Variants in ABCG5 observed in about 807,000 individuals in gnomAD.
ABCG5 encodes the protein ATP-binding cassette sub-family G member 5.
In ABCG5, 64 loss-of-function variants were observed where a neutral mutation model predicts 64.5. That is an observed-to-expected ratio of 0.99 (90% CI 0.81 to 1.22). The LOEUF is 1.22. Among genes scored for constraint, ABCG5 ranks in the 50% most tolerant of loss-of-function variants. The probability of loss-of-function intolerance (pLI) is 0.00; values close to 1 mark genes in which losing one functional copy is unlikely to be tolerated. For missense variants in ABCG5, 908 were observed against 829.5 expected, an observed-to-expected ratio of 1.09 and a Z score of -1.16; for synonymous variants, 385 against 326.3, an observed-to-expected ratio of 1.18 and a Z score of -1.94.
intron 12 of ABCG5, 51 bp downstream of exon 12, chr2:43,814,426 T>G: frequency 8.7e-7 from 1 of 1,155,410 alleles, no homozygotes; most frequent in Non-Finnish European, 1.3e-6. Flanking sequence ...TCCAAGAAAT[T>G]GCTTCCTCAG....
downstream of ABCG5, chr2:43,809,647 T>G (rs1666409045): frequency 6.5e-6 from 8 of 1,227,630 alleles, no homozygotes; most frequent in Non-Finnish European, 8.3e-6. Context: ...AGTTTTAAGG[T>G]GCCTCCTTGA....
In ABCG5 at chr2:43,838,670, G is replaced by T. The variant is rs751275236; in HGVS notation, c.10C>A (p.Leu4Ile). 8.1e-6 allele frequency: 13 copies of T among 1,613,564 alleles called. No homozygotes were observed. Among genetic ancestry groups the T allele is most frequent in the Non-Finnish European group, 1.1e-5 (13 of 1,179,972 alleles). ...GACCCTCCGGGGGTCAAAGATGAGA[G>T]GTCACCCATGGCCAACAGGCAGCAA... MGD[L>I]SSLTPGGSMG... The change falls in exon 1 of 13, where the codon CTC becomes ATC. Residue 4 changes from leucine to isoleucine, a missense_variant. Coordinates refer to ENST00000405322, the MANE Select transcript of ABCG5 (RefSeq NM_022436.3). This position sits in a 1 kb window ranked among gnomAD's most constrained non-coding sequence, Gnocchi z 4.2.
chr2:43,812,766 G>T lies in ABCG5; in HGVS notation c.*350C>A. On this transcript the variant is annotated 3_prime_UTR_variant, in exon 13 of 13. Coordinates refer to ENST00000405322, the MANE Select transcript of ABCG5 (RefSeq NM_022436.3). ...ATTTTTGCCTAATCCTTTATCCAAT[G>T]TAAACATATTTTTAAGCTGACCTAT... The T allele has an allele frequency of 4.0e-6, 1 of 249,398 alleles. No individual in the cohort carries two copies. The highest frequency in any genetic ancestry group is 5.9e-5 in the South Asian group (1 of 16,968). 15.4% of individuals were successfully genotyped at this position (249,398 alleles called of 1,614,324 possible).
At chr2:43,810,289 G>A (rs577369001), downstream of ABCG5, 1 of 877,634 alleles carries the variant, frequency 1.1e-6, no homozygotes, top group Non-Finnish European at 1.4e-6. Context: ...GTCGCCATCA[G>A]TGGTCTGGAA....
At chr2:43,806,581 A>T in the ABCG5 span, among the ~76,000 whole-genome samples, 1 of 152,210 alleles carries the variant, frequency 6.6e-6, no homozygotes, top group African/African-American at 2.4e-5. Flanking sequence ...GGCTATAAGG[A>T]TTAGTTGGAA....
chr2:43,820,732 C>T (rs1042217313), intron 10 of ABCG5, among the ~76,000 whole-genome samples: 5 of 152,160 alleles, frequency 3.3e-5, no homozygotes, highest in African/African-American at 1.2e-4. Flanking sequence ...TGGCTCATTG[C>T]AACCTCTGCT....
chr2:43,828,469 CTACAA>C, intron 4 of ABCG5: 1 of 153,970 alleles, frequency 6.5e-6, no homozygotes, highest in Non-Finnish European at 1.1e-5. Context: ...GACCCTGTCT[CTACAA>C]AAAAAAAAAA....
rs1040924612 is a variant in ABCG5 at position 43,838,455 on chromosome 2, A to G, written c.143+82T>C. 14 of 1,396,346 alleles carry G rather than the reference A, an allele frequency of 1.0e-5. No individual in the cohort carries two copies. Among genetic ancestry groups the G allele is most frequent in the Admixed American group, 2.0e-5 (1 of 49,664 alleles). 86.5% of individuals were successfully genotyped at this position (1,396,346 alleles called of 1,614,324 possible). A position where few individuals can be genotyped will look rare whatever the true frequency, so the allele number is the denominator to read the frequency against. The stretch of plus-strand genomic sequence containing the variant: ...CCCGAAGTGCCCAGACTGGCACTTA[A>G]AGAGTGAAGAAAGGCAGCAGAGGGG... On this transcript the variant is annotated intron_variant, in intron 1 of 12. Coordinates refer to ENST00000405322, the MANE Select transcript of ABCG5 (RefSeq NM_022436.3). The surrounding 1 kb of genome is among the most constrained non-coding windows in gnomAD (Gnocchi z 4.2).
At position 43,824,109 on chromosome 2, in the gene ABCG5, T is replaced by A; in HGVS notation, c.1128A>T (p.Thr376=). 3.1e-6 allele frequency: 5 copies of A among 1,614,216 alleles called. No individual in the cohort carries two copies. Among genetic ancestry groups the A allele is most frequent in the Non-Finnish European group, 4.2e-6 (5 of 1,180,038 alleles). The change falls in exon 9 of 13, where the codon ACA becomes ACT. Residue 376 remains threonine, a synonymous_variant. Coordinates refer to ENST00000405322, the MANE Select transcript of ABCG5 (RefSeq NM_022436.3). ...CCAGCTTATTTCTCACCAAGTTTCT[T>A]GTCACTCTCCTGAAAACAAACAACC... ...SKLGVLLRRV[T]RNLVRNKLAV... is the part of the protein sequence containing the mutation.
rs1667978270 is a variant in ABCG5, at chr2:43,831,981, T to C, written c.368A>G (p.Glu123Gly). ...VYVNGRALRREQFQDCFSYVL... is the reference protein window; with the variant it reads ...VYVNGRALRRGQFQDCFSYVL... ...GTAGGAGAAGCAGTCCTGGAACTGC[T>C]CCCGGCGCAGCGCCCGGCCGTTCAC... Residue 123 changes from glutamate to glycine, a missense_variant, in exon 3 of 13, where the codon GAG becomes GGG. Physicochemically the swap from Glu to Gly is moderately conservative, Grantham distance 98 (BLOSUM62 -2). Coordinates refer to ENST00000405322, the MANE Select transcript of ABCG5 (RefSeq NM_022436.3). 6.4e-7 allele frequency: 1 copy of C among 1,552,772 alleles called. No homozygotes were observed. Among genetic ancestry groups the C allele is most frequent in the Non-Finnish European group, 8.7e-7 (1 of 1,148,134 alleles).
At position 43,831,863 on chromosome 2, in the gene ABCG5, T is replaced by C; in HGVS notation, c.407A>G (p.Asp136Gly). The C allele has an allele frequency of 6.5e-7, 1 of 1,533,372 alleles. No homozygotes were observed. The highest frequency in any genetic ancestry group is 8.8e-7 in the Non-Finnish European group (1 of 1,139,108). 95.0% of individuals were successfully genotyped at this position (1,533,372 alleles called of 1,614,324 possible). A position where few individuals can be genotyped will look rare whatever the true frequency, so the allele number is the denominator to read the frequency against. The change falls in exon 4 of 13, where the codon GAC becomes GGC. Residue 136 changes from aspartate (D) to glycine (G), a missense_variant. Transcript: ENST00000405322. ...QDCFSYVLQS[D>G]TLLSSLTVRE... Reference sequence around the variant, plus strand: ...CACGGTGAGGCTGCTCAGCAGGGTGTCGCTCTGCAGGAGACTCGGGCGTCA... The same window carrying C: ...CACGGTGAGGCTGCTCAGCAGGGTGCCGCTCTGCAGGAGACTCGGGCGTCA...
downstream of ABCG5, among the ~76,000 whole-genome samples, chr2:43,811,027 G>T (rs750148031): frequency 3.3e-5 from 5 of 152,188 alleles, no homozygotes; most frequent in Non-Finnish European, 7.3e-5. Flanking sequence ...GAAGTCACGT[G>T]TGATGTCAGT....
chr2:43,818,233 C>G (rs969711683), intron 11 of ABCG5, among the ~76,000 whole-genome samples: 2 of 152,124 alleles, frequency 1.3e-5, no homozygotes, highest in African/African-American at 4.8e-5. Flanking sequence ...GGGCGAATCA[C>G]TTGAGGTCGA....
At position 43,812,996 on chromosome 2, in the gene ABCG5, T is replaced by C. The variant is rs1666560925; in HGVS notation, c.*120A>G. 1.4e-6 allele frequency: 1 copy of C among 707,036 alleles called. No individual in the cohort carries two copies. The highest frequency in any genetic ancestry group is 2.6e-6 in the Non-Finnish European group (1 of 381,464). 43.8% of individuals were successfully genotyped at this position (707,036 alleles called of 1,614,324 possible). A position where few individuals can be genotyped will look rare whatever the true frequency, so the allele number is the denominator to read the frequency against. ...CCAAGAGGCACAAATGGAGTCTTAATGGTTAAAAGACTTGAGATGTCCTGT... is the reference window on the plus strand; with the variant it reads ...CCAAGAGGCACAAATGGAGTCTTAACGGTTAAAAGACTTGAGATGTCCTGT... On this transcript the variant is annotated 3_prime_UTR_variant, in exon 13 of 13. Coordinates refer to ENST00000405322, the MANE Select transcript of ABCG5 (RefSeq NM_022436.3).
intron 5 of ABCG5, 114 bp downstream of exon 5, chr2:43,827,869 A>G: frequency 1.3e-6 from 2 of 1,499,436 alleles, no homozygotes; most frequent in South Asian, 1.2e-5. Flanking sequence ...CTGTGATTTC[A>G]GTTGTACACA....
upstream of ABCG5, chr2:43,838,849 T>C (rs1668450236): frequency 6.0e-6 from 8 of 1,329,498 alleles, no homozygotes; most frequent in Non-Finnish European, 8.3e-6. This position sits in a 1 kb window ranked among gnomAD's most constrained non-coding sequence, Gnocchi z 4.2. Flanking sequence ...TGATGTACCT[T>C]TAGCCAGCGC....
chr2:43,821,126 C>T (rs770460524), intron 10 of ABCG5, among the ~76,000 whole-genome samples: 41 of 152,318 alleles, frequency 2.7e-4, no homozygotes, highest in East Asian at 1.9e-4. Flanking sequence ...GTCTTATACT[C>T]GCCCCTCCTT....
downstream of ABCG5, among the ~76,000 whole-genome samples, chr2:43,811,842 C>T (rs1446722538): frequency 2.0e-5 from 3 of 152,182 alleles, no homozygotes; most frequent in Admixed American, 1.3e-4. Flanking sequence ...GATCCACCCG[C>T]CTCGGCCTCC....
chr2:43,829,339 T>TTAAAATTGG (rs1667828283), intron 4 of ABCG5, among the ~76,000 whole-genome samples: 1 of 152,226 alleles, frequency 6.6e-6, no homozygotes, highest in Non-Finnish European at 1.5e-5. Flanking sequence ...CCTTCAGAAG[T>TTAAAATTGG]AATTAAAAAT....
Sources: allele counts gnomAD v4.1 joint callset (sites outside exome capture counted in the v4.1 genomes callset), GRCh38; gene constraint gnomAD v4.1.1; non-coding constraint Gnocchi (gnomAD v3.1); transcripts MANE v1.5; gene names NCBI Gene and HGNC (gene_info 2026-07-23, HGNC 2026-07-21).